TMEM156: variants seen among roughly 807,000 people sequenced by gnomAD.
TMEM156 encodes transmembrane protein 156.
Under a neutral mutation model 30.5 loss-of-function variants are expected in TMEM156, and 28 were observed. The ratio of observed to expected loss-of-function variants is 0.92; its 90% CI spans 0.68 to 1.26. The LOEUF (loss-of-function observed/expected upper bound fraction) is 1.26. Ranked by LOEUF, TMEM156 falls within the 50% of genes most tolerant of loss-of-function variation. The probability of loss-of-function intolerance (pLI) is 0.00; values close to 1 mark genes in which losing one functional copy is unlikely to be tolerated. For synonymous variants in TMEM156, 137 were observed against 119.9 expected (o/e 1.14, Z -0.93); for missense variants, 351 against 340.6 (o/e 1.03, Z -0.24).
At chr4:39,011,452 G>A (rs535385747) in intron 1 of TMEM156, among the ~76,000 whole-genome samples, 15 of 151,872 alleles carry the variant, frequency 9.9e-5, no homozygotes, top group African/African-American at 3.6e-4. Flanking sequence ...GCACTCATAC[G>A]TTTATCACAG....
chr4:39,010,491 A>G (rs1409122238), intron 1 of TMEM156, among the ~76,000 whole-genome samples: 2 of 152,256 alleles, frequency 1.3e-5, no homozygotes, highest in Non-Finnish European at 1.5e-5. Context: ...CAGAGGCATC[A>G]TATCTTCCAA....
At chr4:38,980,417 C>T (rs548553892) in intron 5 of TMEM156, among the ~76,000 whole-genome samples, 13 of 152,224 alleles carry the variant, frequency 8.5e-5, no homozygotes, top group Admixed American at 2.0e-4. Context: ...ATTCTTTCAA[C>T]GCAGTCAATG....
chr4:39,015,531 G>C (rs1361852957), intron 1 of TMEM156, among the ~76,000 whole-genome samples: 1 of 152,194 alleles, frequency 6.6e-6, no homozygotes, highest in Non-Finnish European at 1.5e-5. Flanking sequence ...TTCTAGTCTA[G>C]AGCCTCCAAA....
chr4:38,998,562 T>G, intron 2 of TMEM156, 78 bp downstream of exon 2: 1 of 1,169,370 alleles, frequency 8.6e-7, no homozygotes. Flanking sequence ...AAAAAGAATA[T>G]ATTATTAATA....
chr4:38,977,264 T>C (rs1412597684), intron 5 of TMEM156, among the ~76,000 whole-genome samples: 1 of 152,138 alleles, frequency 6.6e-6, no homozygotes, highest in Non-Finnish European at 1.5e-5. Flanking sequence ...ACTAAATAAT[T>C]ATCCAAGGAA....
chr4:38,988,838 G>A lies in TMEM156; in HGVS notation c.739+13C>T, dbSNP rs374389428. The A allele has an allele frequency of 7.4e-6, 12 of 1,613,618 alleles. No individual in the cohort carries two copies. Among genetic ancestry groups the A allele is most frequent in the African/African-American group, 4.0e-5 (3 of 74,850 alleles). ...GATCAGGAGTTCCTCGGCACTACAGGGATTATACTTACTCTGCCACTTTTG... is the reference window on the plus strand; with the variant it reads ...GATCAGGAGTTCCTCGGCACTACAGAGATTATACTTACTCTGCCACTTTTG... On this transcript the variant is annotated intron_variant, in intron 4 of 6. Coordinates refer to ENST00000381938, the MANE Select transcript of TMEM156 (RefSeq NM_024943.3).
At chr4:38,967,986 G>C (rs1198881674) in intron 6 of TMEM156, among the ~76,000 whole-genome samples, 1 of 152,188 alleles carries the variant, frequency 6.6e-6, no homozygotes, top group Non-Finnish European at 1.5e-5. Flanking sequence ...GGCTATACTA[G>C]TTTACATTCC....
chr4:39,012,145 C>T (rs1396996221), intron 1 of TMEM156, among the ~76,000 whole-genome samples: 1 of 152,170 alleles, frequency 6.6e-6, no homozygotes, highest in Admixed American at 6.6e-5. Flanking sequence ...AACAAACCTG[C>T]ACATGTACCC....
intron 1 of TMEM156, among the ~76,000 whole-genome samples, chr4:39,015,546 A>T (rs557272272): frequency 5.6e-4 from 85 of 152,352 alleles, no homozygotes; most frequent in African/African-American, 2.0e-3. Flanking sequence ...TCCAAAAGGA[A>T]CACAGTCTTA....
At chr4:39,027,131 T>C (rs1453603510) in intron 1 of TMEM156, among the ~76,000 whole-genome samples, 1 of 152,234 alleles carries the variant, frequency 6.6e-6, no homozygotes, top group Non-Finnish European at 1.5e-5. Context: ...GTACTTGGCA[T>C]ATTACTGGCA....
Position 39,017,919 on chromosome 4 carries a change from T to C in TMEM156, c.88+14307A>G, listed in dbSNP as rs1714607081. On this transcript the variant is annotated intron_variant, in intron 1 of 6. Coordinates refer to ENST00000381938, the MANE Select transcript of TMEM156 (RefSeq NM_024943.3). ...TTTTAAATGGCATATTTCCGGAAAT[T>C]GCTTTTTTAATCTAGTCTGATAATT... 2.0e-5 allele frequency among the ~76,000 whole-genome samples: 3 copies of C among 152,202 alleles called. No individual in the cohort carries two copies. In the South Asian group the frequency reaches 6.2e-4, roughly 32 times the overall value.
At chr4:39,000,731 A>G (rs886392083) in intron 1 of TMEM156, among the ~76,000 whole-genome samples, 1 of 151,928 alleles carries the variant, frequency 6.6e-6, no homozygotes. Context: ...TACTAAAAAT[A>G]CAAAACTTAG....
intron 1 of TMEM156, among the ~76,000 whole-genome samples, chr4:39,017,048 G>A (rs1320667798): frequency 6.6e-6 from 1 of 152,014 alleles, no homozygotes; most frequent in Non-Finnish European, 1.5e-5. Flanking sequence ...CACAGTATGG[G>A]GGAAACCACC....
rs566963289 is a variant in TMEM156 at position 39,017,206 on chromosome 4, G to A, written c.88+15020C>T. On this transcript the variant is annotated intron_variant, in intron 1 of 6. Coordinates refer to ENST00000381938, the MANE Select transcript of TMEM156 (RefSeq NM_024943.3). ...TTTTTTTTTTTTGAGACAGAGTCTC[G>A]CTCTGTCTCCCAGGCTGGAGTTCAG... is the stretch of plus-strand genomic sequence containing the variant. 1.6e-3 allele frequency among the ~76,000 whole-genome samples: 190 copies of A among 116,852 alleles called. 1 individual carries two copies. Among genetic ancestry groups the A allele is most frequent in the South Asian group, 0.013 (48 of 3,786 alleles). The allele number at this position is 116,852 out of a possible 152,430, so 76.7% of individuals were successfully genotyped here.
At chr4:38,969,350 G>A (rs1458672392) in intron 6 of TMEM156, among the ~76,000 whole-genome samples, 2 of 151,984 alleles carry the variant, frequency 1.3e-5, no homozygotes, top group Admixed American at 6.6e-5. Context: ...CTTTTTGTCC[G>A]TGGCTTACTT....
At chr4:39,031,907 A>T (rs1292254867) in intron 1 of TMEM156, among the ~76,000 whole-genome samples, 8 of 106,264 alleles carry the variant, frequency 7.5e-5, no homozygotes, top group African/African-American at 2.2e-4. Flanking sequence ...ATAAAAAAAT[A>T]AAAAAAAACT....
At chr4:39,027,049 T>C (rs1304788554) in intron 1 of TMEM156, among the ~76,000 whole-genome samples, 2 of 152,270 alleles carry the variant, frequency 1.3e-5, no homozygotes, top group African/African-American at 2.4e-5. Flanking sequence ...TTGAGAATGA[T>C]GCTGCGCCAT....
chr4:38,982,384 C>T (rs1027909307), intron 5 of TMEM156, among the ~76,000 whole-genome samples: 3 of 152,120 alleles, frequency 2.0e-5, no homozygotes, highest in African/African-American at 7.2e-5. Flanking sequence ...TTTCAAAATC[C>T]CTTCTTCAAG....
intron 1 of TMEM156, among the ~76,000 whole-genome samples, chr4:39,014,757 CAAA>C (rs34040774): frequency 1.3e-3 from 160 of 125,308 alleles, no homozygotes; most frequent in East Asian, 2.9e-3. Flanking sequence ...GACTCCATCT[CAAA>C]AAAAAAAAAA....
Sources: allele counts gnomAD v4.1 joint callset (sites outside exome capture counted in the v4.1 genomes callset), GRCh38; gene constraint gnomAD v4.1.1; transcripts MANE v1.5; gene names NCBI Gene and HGNC (gene_info 2026-07-23, HGNC 2026-07-21).